Variants in FBXW8 observed in about 807,000 individuals in gnomAD.
FBXW8 encodes the protein F-box and WD repeat domain containing 8, also known as F-box/WD repeat-containing protein 8.
In FBXW8, 57 loss-of-function variants were observed where a neutral mutation model predicts 65.3. The ratio of observed to expected loss-of-function variants is 0.87; its 90% CI spans 0.71 to 1.09. FBXW8 has a LOEUF of 1.09. Among genes scored for constraint, FBXW8 ranks in the 50% least tolerant of loss-of-function variants. The pLI is 0.00. For synonymous variants in FBXW8, 308 were observed against 330.2 expected (o/e 0.93, Z 0.73); for missense variants, 777 against 814.8 (o/e 0.95, Z 0.57).
intron 5 of FBXW8, among the ~76,000 whole-genome samples, chr12:116,973,118 G>A (rs1884732250): frequency 6.6e-6 from 1 of 152,000 alleles, no homozygotes; most frequent in South Asian, 2.1e-4. Context: ...GATAATAACA[G>A]GTTACAACCC....
chr12:116,948,988 TC>T (rs1883103300), intron 3 of FBXW8: 1 of 152,504 alleles, frequency 6.6e-6, no homozygotes, highest in South Asian at 2.1e-4. Flanking sequence ...ACTTCTGAGC[TC>T]AAGTGATCTT....
chr12:117,024,878 G>A (rs1035977694), intron 9 of FBXW8, among the ~76,000 whole-genome samples: 4 of 152,188 alleles, frequency 2.6e-5, no homozygotes, highest in African/African-American at 9.7e-5. Context: ...CAACGAAGGA[G>A]GAATTTGTCA....
chr12:116,944,691 A>G (rs12319981), intron 2 of FBXW8, among the ~76,000 whole-genome samples: 4 of 152,176 alleles, frequency 2.6e-5, no homozygotes, highest in African/African-American at 9.7e-5. Context: ...TTGTTCCCCT[A>G]AATTAGTGTT....
chr12:116,947,076 G>A (rs533652687), intron 3 of FBXW8, among the ~76,000 whole-genome samples: 1 of 152,302 alleles, frequency 6.6e-6, no homozygotes, highest in East Asian at 1.9e-4. Flanking sequence ...AAGGGAAGAG[G>A]ACAGGTATGT....
At position 117,028,698 on chromosome 12, in the gene FBXW8, G is replaced by GAGCTGT. The variant is rs1311136052; in HGVS notation, c.*528_*533dup. 1 of 156,462 alleles carries GAGCTGT rather than the reference G, an allele frequency of 6.4e-6. No individual in the cohort carries two copies. Among genetic ancestry groups the GAGCTGT allele is most frequent in the African/African-American group, 2.4e-5 (1 of 41,502 alleles). 9.7% of individuals were successfully genotyped at this position (156,462 alleles called of 1,614,324 possible). On this transcript the variant is annotated 3_prime_UTR_variant, in exon 11 of 11. Transcript: ENST00000652555. This position sits in a 1 kb window ranked among gnomAD's most constrained non-coding sequence, Gnocchi z 4.1. ...ACCACCTTCCAGTAGCAAGCTGGTA[G>GAGCTGT]AGCTGTACTTTTTCTTCACAGCTTT...
At chr12:117,018,924 G>A (rs922904380) in intron 8 of FBXW8, among the ~76,000 whole-genome samples, 1 of 152,200 alleles carries the variant, frequency 6.6e-6, no homozygotes, top group Admixed American at 6.5e-5. Flanking sequence ...CACCATAGCT[G>A]AATAGACTCT....
At chr12:116,945,338 C>T in intron 2 of FBXW8, 26 bp from the exon 3 acceptor site, 1 of 1,590,114 alleles carries the variant, frequency 6.3e-7, no homozygotes, top group Non-Finnish European at 8.6e-7. Flanking sequence ...CAGAATTTGA[C>T]ATTTGTGTCA....
At chr12:117,016,906 A>G (rs566539708) in intron 8 of FBXW8, among the ~76,000 whole-genome samples, 23 of 152,094 alleles carry the variant, frequency 1.5e-4, no homozygotes, top group Admixed American at 8.5e-4. Context: ...CCCCCATTCA[A>G]TTGTCTTGGC....
intron 4 of FBXW8, chr12:116,950,495 T>G (rs1883205039): frequency 6.6e-6 from 1 of 152,182 alleles, no homozygotes; most frequent in African/African-American, 2.4e-5. Flanking sequence ...CCTTGGACTT[T>G]AAAACTCAGT....
At chr12:117,013,430 T>C (rs924186974) in intron 8 of FBXW8, among the ~76,000 whole-genome samples, 11 of 140,356 alleles carry the variant, frequency 7.8e-5, no homozygotes, top group African/African-American at 2.9e-4. Context: ...CAATGAGTTT[T>C]TCTGAAGGCA....
In FBXW8 at chr12:116,948,174, A is replaced by G. The variant is rs538294383; in HGVS notation, c.589-1444A>G. Among the ~76,000 whole-genome samples, 11 of 152,328 alleles carry G rather than the reference A, an allele frequency of 7.2e-5. No homozygotes were observed. The South Asian group carries it at 2.3e-3, about 32-fold the overall frequency. The stretch of plus-strand genomic sequence containing the variant: ...GAGCCAACCTGGAAATGATTTGCTA[A>G]ACTAATTGTGGTGGCCATAGTGTTT... On this transcript the variant is annotated intron_variant, in intron 3 of 10. Transcript: ENST00000652555.
At position 116,941,216 on chromosome 12, in the gene FBXW8, A is replaced by G. The variant is rs887645881; in HGVS notation, c.424-4148A>G. ...CAGGATTGCCTGGGCCCCATTGGCC[A>G]GGGATGCAGTGGGGTGCCTTCTTGC... On this transcript the variant is annotated intron_variant, in intron 2 of 10. Transcript: ENST00000652555. 5.3e-5 allele frequency among the ~76,000 whole-genome samples: 8 copies of G among 152,204 alleles called. 1 individual carries two copies. The highest frequency in any genetic ancestry group is 1.9e-4 in the African/African-American group (8 of 41,462).
chr12:116,941,726 T>G (rs547295024), intron 2 of FBXW8, among the ~76,000 whole-genome samples: 1 of 152,258 alleles, frequency 6.6e-6, no homozygotes, highest in African/African-American at 2.4e-5. Flanking sequence ...GTGTGACTTA[T>G]GTCTTTTTTA....
At chr12:116,987,691 G>T (rs1885821127) in intron 6 of FBXW8, among the ~76,000 whole-genome samples, 1 of 151,710 alleles carries the variant, frequency 6.6e-6, no homozygotes, top group African/African-American at 2.4e-5. Flanking sequence ...TCAGTTCATT[G>T]TAAACAAACA....
chr12:116,976,751 G>A (rs1181677914), intron 5 of FBXW8, among the ~76,000 whole-genome samples: 2 of 151,724 alleles, frequency 1.3e-5, no homozygotes, highest in Admixed American at 6.6e-5. Flanking sequence ...AAAGAATAGT[G>A]TAGCCATTTT....
chr12:117,005,150 T>G (rs183093878), intron 7 of FBXW8, among the ~76,000 whole-genome samples: 2 of 152,308 alleles, frequency 1.3e-5, no homozygotes, highest in Admixed American at 1.3e-4. Context: ...TTGGGTAGGA[T>G]GGAGCAGTTC....
intron 2 of FBXW8, among the ~76,000 whole-genome samples, chr12:116,930,884 T>C (rs1355974952): frequency 6.6e-6 from 1 of 152,266 alleles, no homozygotes; most frequent in Non-Finnish European, 1.5e-5. Flanking sequence ...CGTAGCTCAC[T>C]GTAGCCTCAA....
intron 5 of FBXW8, among the ~76,000 whole-genome samples, chr12:116,968,156 G>A (rs974800074): frequency 6.6e-6 from 1 of 152,126 alleles, no homozygotes; most frequent in African/African-American, 2.4e-5. Flanking sequence ...AGTGAGTGGG[G>A]TTATTTTGTA....
intron 5 of FBXW8, among the ~76,000 whole-genome samples, chr12:116,970,505 T>G (rs1260374601): frequency 6.6e-6 from 1 of 152,124 alleles, no homozygotes; most frequent in Non-Finnish European, 1.5e-5. Flanking sequence ...CGGGGGTGGG[T>G]CTCTCCAAGC....
Sources: gnomAD v4.1 joint callset for allele counts (sites outside exome capture counted in the v4.1 genomes callset) on GRCh38, gnomAD v4.1.1 for gene constraint, Gnocchi (gnomAD v3.1) non-coding constraint, MANE v1.5 for transcripts, NCBI Gene and HGNC (gene_info 2026-07-23, HGNC 2026-07-21) for gene names.